KCNMA1: variants seen among roughly 807,000 people sequenced by gnomAD.
KCNMA1 encodes Calcium-activated potassium channel subunit alpha-1.
Under a neutral mutation model 140.0 loss-of-function variants are expected in KCNMA1, and 29 were observed. The observed-to-expected ratio is 0.21, with a 90% CI of 0.15 to 0.28. KCNMA1 has a LOEUF of 0.28. Among genes scored for constraint, KCNMA1 ranks in the 10% least tolerant of loss-of-function variants. KCNMA1 has a pLI of 1.00. For synonymous variants in KCNMA1, 612 were observed against 611.9 expected, an observed-to-expected ratio of 1.00 and a Z score of 0.00; for missense variants, 880 against 1,602.2, an observed-to-expected ratio of 0.55 and a Z score of 7.70.
At chr10:76,988,498 A>C (rs971598732) in intron 19 of KCNMA1, among the ~76,000 whole-genome samples, 2 of 152,176 alleles carry the variant, frequency 1.3e-5, no homozygotes, top group Non-Finnish European at 2.9e-5. Context: ...ACTGCACTCC[A>C]GCCTGGGTGA....
intron 29 of KCNMA1, among the ~76,000 whole-genome samples, chr10:76,879,562 T>A (rs1039008333): frequency 1.3e-5 from 2 of 152,138 alleles, no homozygotes; most frequent in African/African-American, 2.4e-5. Flanking sequence ...TCATTTATCT[T>A]TTTGTCAAGC....
intron 1 of KCNMA1, among the ~76,000 whole-genome samples, chr10:77,530,254 C>T (rs2057276969): frequency 6.6e-6 from 1 of 152,172 alleles, no homozygotes. Flanking sequence ...CCAGGATAGA[C>T]AGAGGGACAA....
chr10:77,205,031 A>G (rs2043630740), intron 3 of KCNMA1, among the ~76,000 whole-genome samples: 1 of 152,180 alleles, frequency 6.6e-6, no homozygotes, highest in African/African-American at 2.4e-5. Flanking sequence ...AGAGCTCCTC[A>G]GAAAGATGAA....
chr10:77,183,866 T>G (rs1482845873), intron 4 of KCNMA1, among the ~76,000 whole-genome samples: 1 of 152,192 alleles, frequency 6.6e-6, no homozygotes, highest in Non-Finnish European at 1.5e-5. Flanking sequence ...CTTTTATGAT[T>G]GGACACACAC....
chr10:77,387,058 G>T, intron 2 of KCNMA1, among the ~76,000 whole-genome samples: 1 of 152,216 alleles, frequency 6.6e-6, no homozygotes, highest in East Asian at 1.9e-4. Flanking sequence ...GGAAGGCTTT[G>T]CAGTGGGAGG....
intron 5 of KCNMA1, among the ~76,000 whole-genome samples, chr10:77,130,660 T>C (rs2097841965): frequency 6.6e-6 from 1 of 152,030 alleles, no homozygotes; most frequent in Admixed American, 6.5e-5. Context: ...TTCACTAAAC[T>C]AATACAAATG....
At position 77,250,067 on chromosome 10, in the gene KCNMA1, A is replaced by C. The variant is rs1271250311; in HGVS notation, c.602+1128T>G. 2.0e-5 allele frequency: 3 copies of C among 152,168 alleles called. No homozygotes were observed. The East Asian group carries it at 5.8e-4, about 29-fold the overall frequency. The allele number at this position is 152,168 out of a possible 1,614,324, so 9.4% of individuals were successfully genotyped here. A position where few individuals can be genotyped will look rare whatever the true frequency, so the allele number is the denominator to read the frequency against. On this transcript the variant is annotated intron_variant, in intron 3 of 27. Coordinates refer to ENST00000286628, the MANE Select transcript of KCNMA1 (RefSeq NM_001161352.2). ...TTGGCCTCTCCACCCAAATGCACAA[A>C]ATCCTTGGCCGGTGACCAGATGGCT... is the stretch of plus-strand genomic sequence containing the variant.
intron 5 of KCNMA1, among the ~76,000 whole-genome samples, chr10:77,143,674 G>A (rs915080413): frequency 5.3e-5 from 8 of 152,046 alleles, no homozygotes; most frequent in East Asian, 1.9e-4. Context: ...GAGGACACTC[G>A]GATAAGCAAA....
At chr10:77,327,347 T>C (rs557648809) in intron 2 of KCNMA1, among the ~76,000 whole-genome samples, 187 of 151,526 alleles carry the variant, frequency 1.2e-3, no homozygotes, top group African/African-American at 4.4e-3. Flanking sequence ...CTGTTTTTGT[T>C]GTTATTGTTG....
intron 1 of KCNMA1, among the ~76,000 whole-genome samples, chr10:77,552,433 G>A (rs2063085326): frequency 6.6e-6 from 1 of 152,166 alleles, no homozygotes; most frequent in South Asian, 2.1e-4. Flanking sequence ...ATGTAGGGAA[G>A]ACTAAAAGGG....
At chr10:77,053,360 T>C (rs1445662551) in intron 14 of KCNMA1, among the ~76,000 whole-genome samples, 2 of 152,196 alleles carry the variant, frequency 1.3e-5, no homozygotes, top group Non-Finnish European at 2.9e-5. Context: ...TCTTCACTGT[T>C]GCAGAGGACT....
intron 18 of KCNMA1, among the ~76,000 whole-genome samples, chr10:77,005,453 T>A (rs1828159952): frequency 3.9e-5 from 6 of 152,168 alleles, no homozygotes; most frequent in Admixed American, 3.9e-4. Context: ...CTCTGGCAAG[T>A]GTGAACACCA....
Position 76,922,055 on chromosome 10 carries a change from G to A in KCNMA1, c.2903-7006C>T, listed in dbSNP as rs114045468. On this transcript the variant is annotated intron_variant, in intron 23 of 27. Coordinates refer to ENST00000286628, the MANE Select transcript of KCNMA1 (RefSeq NM_001161352.2). ...AGGTCAGTGTCAAGGAGGGAAGCGGGGAAATGCCCCTGCCAATTTGTGACT... is the reference window on the plus strand; with the variant it reads ...AGGTCAGTGTCAAGGAGGGAAGCGGAGAAATGCCCCTGCCAATTTGTGACT... Among the ~76,000 whole-genome samples, 1,234 of 152,266 alleles carry A rather than the reference G, an allele frequency of 8.1e-3. 10 individuals carry two copies. Among genetic ancestry groups the A allele is most frequent in the African/African-American group, 0.027 (1,134 of 41,550 alleles).
At chr10:77,550,460 C>T (rs753093703) in intron 1 of KCNMA1, among the ~76,000 whole-genome samples, 6 of 152,350 alleles carry the variant, frequency 3.9e-5, no homozygotes, top group Non-Finnish European at 7.3e-5. Flanking sequence ...TTTCCTGTCT[C>T]GCTTTCTCTT....
intron 14 of KCNMA1, among the ~76,000 whole-genome samples, chr10:77,055,884 C>G (rs1453061579): frequency 6.6e-6 from 1 of 152,152 alleles, no homozygotes; most frequent in African/African-American, 2.4e-5. Context: ...TTTATAAACT[C>G]TGGGGCTCAC....
At chr10:77,553,232 T>A (rs1208379653) in intron 1 of KCNMA1, among the ~76,000 whole-genome samples, 1 of 152,228 alleles carries the variant, frequency 6.6e-6, no homozygotes, top group Non-Finnish European at 1.5e-5. Flanking sequence ...CTTCTTTTTT[T>A]TCCCCCGTGG....
At chr10:77,338,481 T>G (rs1380202186) in intron 2 of KCNMA1, among the ~76,000 whole-genome samples, 1 of 152,186 alleles carries the variant, frequency 6.6e-6, no homozygotes, top group Non-Finnish European at 1.5e-5. Flanking sequence ...CCAGAGGCCC[T>G]TACAGACCCT....
chr10:77,596,814 C>T (rs931941727), intron 1 of KCNMA1, among the ~76,000 whole-genome samples: 3 of 152,176 alleles, frequency 2.0e-5, no homozygotes, highest in South Asian at 4.1e-4. Flanking sequence ...CAAAAAAGAG[C>T]GAATGATATT....
At chr10:77,039,480 A>G (rs1359641885) in intron 15 of KCNMA1, 48 bp downstream of exon 15, 1 of 1,127,456 alleles carries the variant, frequency 8.9e-7, no homozygotes, top group Non-Finnish European at 1.4e-6. Flanking sequence ...CAAGGGGCAC[A>G]TTCAATATCC....
Sources: allele counts gnomAD v4.1 joint callset (sites outside exome capture counted in the v4.1 genomes callset), GRCh38; gene constraint gnomAD v4.1.1; transcripts MANE v1.5; gene names NCBI Gene and HGNC (gene_info 2026-07-23, HGNC 2026-07-21).